The following CLTC variants were observed in gnomAD, a reference collection of about 807,000 sequenced individuals.
CLTC encodes the protein clathrin heavy chain.
A neutral mutation model predicts 195.8 loss-of-function variants in CLTC; 16 were observed. The ratio of observed to expected loss-of-function variants is 0.08; its 90% CI spans 0.06 to 0.12. CLTC has a LOEUF of 0.12. Ranked by LOEUF, CLTC falls within the 10% of genes least tolerant of loss-of-function variation. CLTC has a pLI of 1.00. For missense variants in CLTC, 796 were observed against 2,027.0 expected (o/e 0.39, Z 11.66); for synonymous variants, 667 against 689.4 (o/e 0.97, Z 0.51).
chr17:59,685,329 A>C lies in CLTC; in HGVS notation c.4605+103A>C, dbSNP rs1384937900. 3.3e-6 allele frequency: 4 copies of C among 1,198,106 alleles called. No individual in the cohort carries two copies. The highest frequency in any genetic ancestry group is 4.5e-6 in the Non-Finnish European group (4 of 880,198). The allele number at this position is 1,198,106 out of a possible 1,614,324, so 74.2% of individuals were successfully genotyped here. A position where few individuals can be genotyped will look rare whatever the true frequency, so the allele number is the denominator to read the frequency against. ...AAAGTATTGGTTTTGTGAATATGAG[A>C]GCTGACTTTAAGGCAATTTAAGTTA... On this transcript the variant is annotated intron_variant, in intron 29 of 31. Transcript: ENST00000269122. This position sits in a 1 kb window ranked among gnomAD's most constrained non-coding sequence, Gnocchi z 5.0.
chr17:59,658,028 G>A (rs145104057), intron 6 of CLTC, among the ~76,000 whole-genome samples: 35 of 152,084 alleles, frequency 2.3e-4, no homozygotes, highest in African/African-American at 7.7e-4. Context: ...GTGAAACCTC[G>A]TCTCTACTAA....
intron 8 of CLTC, among the ~76,000 whole-genome samples, chr17:59,663,356 C>T (rs1339602156): frequency 6.6e-6 from 1 of 152,306 alleles, no homozygotes; most frequent in Non-Finnish European, 1.5e-5. Flanking sequence ...GTGCTTAGAT[C>T]CCTCAGACAT....
chr17:59,638,566 T>C (rs1242688446), intron 1 of CLTC, among the ~76,000 whole-genome samples: 3 of 128,868 alleles, frequency 2.3e-5, no homozygotes, highest in African/African-American at 8.2e-5. Flanking sequence ...GGGGTGGGAG[T>C]GGGGGTGGGA....
Position 59,674,819 on chromosome 17 carries a change from T to C in CLTC, c.2537T>C (p.Val846Ala). Residue 846 changes from valine (V) to alanine (A), a missense_variant, in exon 16 of 32, where the codon GTT (valine) becomes GCT (alanine). Coordinates refer to ENST00000269122, the MANE Select transcript of CLTC (RefSeq NM_004859.4). ...GGTCAATTCTCTACTGATGAGCTTGTTGCTGAGGTTGAAAAAAGAAACAGG... is the reference window on the plus strand; with the variant it reads ...GGTCAATTCTCTACTGATGAGCTTGCTGCTGAGGTTGAAAAAAGAAACAGG... ...VRGQFSTDEL[V>A]AEVEKRNRLK... 6.2e-7 allele frequency: 1 copy of C among 1,613,154 alleles called. No individual in the cohort carries two copies. Among genetic ancestry groups the C allele is most frequent in the Non-Finnish European group, 8.5e-7 (1 of 1,179,598 alleles).
At chr17:59,620,274 G>A in intron 1 of CLTC, 101 bp downstream of exon 1, 1 of 1,283,870 alleles carries the variant, frequency 7.8e-7, no homozygotes, top group South Asian at 1.2e-5. Flanking sequence ...TGGAGGGGCG[G>A]GGGGGTTGTC....
chr17:59,626,437 G>A (rs1210146020), intron 1 of CLTC, among the ~76,000 whole-genome samples: 1 of 152,076 alleles, frequency 6.6e-6, no homozygotes, highest in Non-Finnish European at 1.5e-5. Flanking sequence ...TCCTTGAACA[G>A]ACATATTTGA....
At chr17:59,690,469 A>G (rs2033271573) in intron 30 of CLTC, 167 bp from the exon 31 acceptor site, 1 of 523,156 alleles carries the variant, frequency 1.9e-6, no homozygotes, top group South Asian at 2.8e-5. Context: ...AACCACCTGG[A>G]CTGAAGTATG....
chr17:59,679,474 C>T lies in CLTC; in HGVS notation c.2874C>T (p.Ser958=), dbSNP rs773163874. 2.5e-5 allele frequency: 41 copies of T among 1,610,100 alleles called. No individual in the cohort carries two copies. The highest frequency in any genetic ancestry group is 3.4e-5 in the Admixed American group (2 of 59,526). The change falls in exon 18 of 32, where the codon AGC becomes AGT. Residue 958 remains serine (S), a synonymous_variant. Transcript: ENST00000269122. ...GAAAGGATCCAGAATTGTGGGGCAG[C>T]GTGCTGCTGGAAAGCAATCCTTACA... ...VRRKDPELWG[S]VLLESNPYRR...
intron 30 of CLTC, among the ~76,000 whole-genome samples, chr17:59,687,589 G>A (rs2033211997): frequency 6.6e-6 from 1 of 151,668 alleles, no homozygotes; most frequent in African/African-American, 2.4e-5. Context: ...AGCTGCTTCC[G>A]AAGAGACTTT....
At position 59,685,621 on chromosome 17, in the gene CLTC, C is replaced by A. The variant is rs1418847588; in HGVS notation, c.4640C>A (p.Thr1547Asn). The A allele has an allele frequency of 6.2e-7, 1 of 1,614,030 alleles. No homozygotes were observed. The highest frequency in any genetic ancestry group is 8.5e-7 in the Non-Finnish European group (1 of 1,179,968). The change falls in exon 30 of 32, where the codon ACT becomes AAT. Residue 1547 changes from threonine (T) to asparagine (N), a missense_variant. Thr to Asn is a moderately conservative substitution (Grantham distance 65). Around this residue, in one of 9 missense-constraint regions of CLTC, gnomAD observed 148 missense variants for 279.5 expected, o/e 0.53. Coordinates refer to ENST00000269122, the MANE Select transcript of CLTC (RefSeq NM_004859.4). The surrounding 1 kb of genome is among the most constrained non-coding windows in gnomAD (Gnocchi z 5.0). ...AMQYASESKDTELAEELLQWF... is the reference protein window; with the variant it reads ...AMQYASESKDNELAEELLQWF... ...CAGTATGCTTCTGAATCTAAAGATA[C>A]TGAATTGGCTGAAGAACTCCTGCAG...
rs191105468 is a variant in CLTC at position 59,638,738 on chromosome 17, C to T, written c.43-5538C>T. On this transcript the variant is annotated intron_variant, in intron 1 of 31. Transcript: ENST00000269122. ...GAAATGACAGGAGGTAGAGCTCAGG[C>T]GGTGATGACTGCTCATTGGCTGCTC... Among the ~76,000 whole-genome samples, 7 of 152,234 alleles carry T rather than the reference C, an allele frequency of 4.6e-5. No individual in the cohort carries two copies. In the East Asian group the frequency reaches 1.2e-3, roughly 25 times the overall value.
Position 59,682,420 on chromosome 17 carries a change from A to G in CLTC, c.3592A>G (p.Ile1198Val). 6.2e-7 allele frequency: 1 copy of G among 1,614,022 alleles called. No homozygotes were observed. Among genetic ancestry groups the G allele is most frequent in the Non-Finnish European group, 8.5e-7 (1 of 1,179,956 alleles). ...EFINGPNNAH[I>V]QQVGDRCYDE... ...TATCAATGGACCAAATAATGCTCAT[A>G]TCCAACAAGTGGGTTTCCTTTTCAG... Residue 1198 changes from isoleucine to valine, a missense_variant, in exon 22 of 32, where the codon ATC becomes GTC. Around this residue, in one of 9 missense-constraint regions of CLTC, gnomAD observed 102 missense variants for 317.6 expected, o/e 0.32. Transcript: ENST00000269122. This position sits in a 1 kb window ranked among gnomAD's most constrained non-coding sequence, Gnocchi z 6.8.
intron 6 of CLTC, among the ~76,000 whole-genome samples, chr17:59,657,743 G>A (rs2032506039): frequency 6.7e-6 from 1 of 148,854 alleles, no homozygotes; most frequent in African/African-American, 2.5e-5. Context: ...ACTCTAGCCT[G>A]GATGACAGAG....
At chr17:59,672,090 C>T (rs967466441) in intron 14 of CLTC, among the ~76,000 whole-genome samples, 1 of 152,106 alleles carries the variant, frequency 6.6e-6, no homozygotes, top group East Asian at 1.9e-4. Flanking sequence ...AAGAAAACCT[C>T]TGACTATGCT....
intron 16 of CLTC, among the ~76,000 whole-genome samples, chr17:59,676,291 G>A (rs2032964432): frequency 6.6e-6 from 1 of 152,204 alleles, no homozygotes; most frequent in Non-Finnish European, 1.5e-5. Context: ...TTATATGACA[G>A]CTGCAACTAT....
At position 59,681,808 on chromosome 17, in the gene CLTC, C is replaced by T. The variant is rs1245184650; in HGVS notation, c.3411C>T (p.Tyr1137=). Residue 1137 remains tyrosine (Y), a synonymous_variant, in exon 21 of 32, where the codon TAC becomes TAT. Coordinates refer to ENST00000269122, the MANE Select transcript of CLTC (RefSeq NM_004859.4). This position sits in a 1 kb window ranked among gnomAD's most constrained non-coding sequence, Gnocchi z 5.0. ...TCAAAGCAGATGATCCTTCCTCCTA[C>T]ATGGAAGTTGTTCAGGCTGCCAATA... ...SYIKADDPSS[Y]MEVVQAANTS... 6.2e-7 allele frequency: 1 copy of T among 1,613,566 alleles called. No individual in the cohort carries two copies. The highest frequency in any genetic ancestry group is 8.5e-7 in the Non-Finnish European group (1 of 1,179,606).
intron 1 of CLTC, among the ~76,000 whole-genome samples, chr17:59,620,641 A>G (rs2031342051): frequency 6.9e-6 from 1 of 144,554 alleles, no homozygotes; most frequent in East Asian, 2.2e-4. Context: ...TGGGTTGGGG[A>G]GGAGCAACCT....
Position 59,648,203 on chromosome 17 carries a change from T to C in CLTC, c.520-37T>C. The stretch of plus-strand genomic sequence containing the variant: ...GATGAATCTGAGAGTTTTTGATTTA[T>C]GGGTCTTCAAACGTTATTCTCTTTG... On this transcript the variant is annotated intron_variant, in intron 3 of 31. Transcript: ENST00000269122. The surrounding 1 kb of genome is among the most constrained non-coding windows in gnomAD (Gnocchi z 4.5). The C allele has an allele frequency of 6.4e-7, 1 of 1,559,878 alleles. No homozygotes were observed. Among genetic ancestry groups the C allele is most frequent in the Non-Finnish European group, 8.7e-7 (1 of 1,149,692 alleles).
In CLTC at chr17:59,692,807, T is replaced by C. The variant is rs570956012; in HGVS notation, c.4904-921T>C. 4.6e-5 allele frequency among the ~76,000 whole-genome samples: 7 copies of C among 152,056 alleles called. No individual in the cohort carries two copies. In the East Asian group the frequency reaches 1.4e-3, roughly 29 times the overall value. The stretch of plus-strand genomic sequence containing the variant: ...ATGCACCACCACGCCCGGCTAATTT[T>C]TTTTGTATTTTTAGTAGAGACGGGG... On this transcript the variant is annotated intron_variant, in intron 31 of 31. Coordinates refer to ENST00000269122, the MANE Select transcript of CLTC (RefSeq NM_004859.4).
Sources: allele counts gnomAD v4.1 joint callset (sites outside exome capture counted in the v4.1 genomes callset), GRCh38; gene constraint gnomAD v4.1.1; regional missense constraint gnomAD v4.1.1; non-coding constraint Gnocchi (gnomAD v3.1); transcripts MANE v1.5; gene names NCBI Gene and HGNC (gene_info 2026-07-23, HGNC 2026-07-21).